The following SNX29 variants were observed in gnomAD, a reference collection of about 807,000 sequenced individuals.
The protein encoded by SNX29 is sorting nexin 29, also known as sorting nexin-29.
A neutral mutation model predicts 102.1 loss-of-function variants in SNX29; 78 were observed. That is an observed-to-expected ratio of 0.76 (90% CI 0.64 to 0.92). The LOEUF (loss-of-function observed/expected upper bound fraction) is 0.92, where lower values mean the gene tolerates loss of function less well. Among genes scored for constraint, SNX29 ranks in the 40% least tolerant of loss-of-function variants. The pLI is 0.00. For synonymous variants in SNX29, 580 were observed against 414.5 expected (o/e 1.40, Z -4.85); for missense variants, 1,280 against 1,061.7 (o/e 1.21, Z -2.86).
At chr16:12,277,038 G>A (rs1258810280) in intron 14 of SNX29, among the ~76,000 whole-genome samples, 4 of 152,120 alleles carry the variant, frequency 2.6e-5, no homozygotes, top group Admixed American at 1.3e-4. Flanking sequence ...CTGTCAGCAG[G>A]CCCTACCTCA....
intron 11 of SNX29, among the ~76,000 whole-genome samples, chr16:12,124,122 C>T (rs1053569551): frequency 2.6e-5 from 4 of 152,150 alleles, no homozygotes; most frequent in African/African-American, 9.7e-5. Flanking sequence ...CTTTGGGAGG[C>T]CGAGGCATGT....
At chr16:12,554,224 C>T (rs1160139499) in intron 20 of SNX29, among the ~76,000 whole-genome samples, 2 of 152,222 alleles carry the variant, frequency 1.3e-5, no homozygotes, top group East Asian at 1.9e-4. Flanking sequence ...TAGAGCAAAA[C>T]GTGAACATCT....
chr16:12,092,208 C>G (rs2052583358), intron 11 of SNX29, among the ~76,000 whole-genome samples: 1 of 152,138 alleles, frequency 6.6e-6, no homozygotes, highest in African/African-American at 2.4e-5. Flanking sequence ...AGTAGACACA[C>G]TTTGTCTGCT....
intron 20 of SNX29, chr16:12,557,688 T>G (rs901793521): frequency 2.0e-4 from 31 of 152,222 alleles, no homozygotes; most frequent in African/African-American, 7.5e-4. Context: ...TGAGTGGCAG[T>G]GCAGTAGGCT....
chr16:12,459,070 C>T (rs1489214316), intron 18 of SNX29, among the ~76,000 whole-genome samples: 1 of 113,702 alleles, frequency 8.8e-6, no homozygotes, highest in Non-Finnish European at 1.8e-5. Flanking sequence ...CCCACCTCCT[C>T]CTCCCCGGTC....
intron 15 of SNX29, among the ~76,000 whole-genome samples, chr16:12,292,831 C>A (rs531095216): frequency 2.0e-5 from 3 of 152,340 alleles, no homozygotes; most frequent in East Asian, 1.9e-4. Context: ...GAGGCTGATA[C>A]AAGGCACAGT....
At chr16:12,144,882 C>T (rs111887632) in intron 13 of SNX29, among the ~76,000 whole-genome samples, 3,735 of 152,258 alleles carry the variant, frequency 0.025, 165 homozygotes, top group African/African-American at 0.086. Context: ...CCACCACACC[C>T]GGCAAAGTTT....
intron 13 of SNX29, among the ~76,000 whole-genome samples, chr16:12,184,783 A>G (rs1172012242): frequency 6.6e-6 from 1 of 152,262 alleles, no homozygotes; most frequent in African/African-American, 2.4e-5. Flanking sequence ...AATGGAACAT[A>G]GCAGAAACAT....
intron 19 of SNX29, among the ~76,000 whole-genome samples, chr16:12,484,726 G>A (rs2088142256): frequency 1.3e-5 from 2 of 152,306 alleles, no homozygotes; most frequent in East Asian, 1.9e-4. Flanking sequence ...TTCACCAGAT[G>A]TCAGTTCAGA....
intron 14 of SNX29, among the ~76,000 whole-genome samples, chr16:12,228,486 T>C (rs559040194): frequency 6.6e-6 from 1 of 151,302 alleles, no homozygotes; most frequent in Non-Finnish European, 1.5e-5. Context: ...CTGGTCACTC[T>C]TACCCCTTTC....
At chr16:12,258,595 C>T (rs546402236) in intron 14 of SNX29, among the ~76,000 whole-genome samples, 11 of 152,268 alleles carry the variant, frequency 7.2e-5, no homozygotes, top group East Asian at 1.9e-4. Context: ...TCTCATGTTC[C>T]ACTCCCCACA....
chr16:12,525,709 C>CCA lies in SNX29; in HGVS notation c.2318+868_2318+869insCA, dbSNP rs1491433189. ...TCCACGCCCCCCCCACCCCCCCCCC[C>CCA]AAAAAAAAGAAAAAATCATTACACT... On this transcript the variant is annotated intron_variant, in intron 20 of 20. Coordinates refer to ENST00000566228, the MANE Select transcript of SNX29 (RefSeq NM_032167.5). Among the ~76,000 whole-genome samples the CCA allele has an allele frequency of 7.9e-4, 96 of 121,450 alleles. 2 individuals are homozygous for CCA. The highest frequency in any genetic ancestry group is 2.8e-3 in the African/African-American group (86 of 30,466). 79.7% of individuals were successfully genotyped at this position (121,450 alleles called of 152,430 possible). A position where few individuals can be genotyped will look rare whatever the true frequency, so the allele number is the denominator to read the frequency against.
chr16:12,526,145 G>C (rs935381503), intron 20 of SNX29, among the ~76,000 whole-genome samples: 1 of 152,176 alleles, frequency 6.6e-6, no homozygotes, highest in African/African-American at 2.4e-5. Flanking sequence ...GTTCTGGGTC[G>C]GTGTGATTTG....
chr16:12,431,677 C>T (rs2085321629), intron 18 of SNX29, among the ~76,000 whole-genome samples: 1 of 151,972 alleles, frequency 6.6e-6, no homozygotes, highest in Admixed American at 6.6e-5. Context: ...TGAATGAAGT[C>T]AGGAAATGAT....
chr16:12,554,486 G>A (rs187284775), intron 20 of SNX29, among the ~76,000 whole-genome samples: 2,038 of 152,258 alleles, frequency 0.013, 34 homozygotes, highest in African/African-American at 0.047. Context: ...GGCATGGAGT[G>A]GTTTCCAAGC....
intron 15 of SNX29, among the ~76,000 whole-genome samples, chr16:12,316,597 C>T (rs969383298): frequency 6.6e-6 from 1 of 152,180 alleles, no homozygotes; most frequent in Non-Finnish European, 1.5e-5. Context: ...TGCTCTCTCT[C>T]ACCTCAGGGG....
At chr16:12,282,234 C>T (rs1021399014) in intron 15 of SNX29, among the ~76,000 whole-genome samples, 2 of 152,042 alleles carry the variant, frequency 1.3e-5, no homozygotes, top group Admixed American at 6.6e-5. Flanking sequence ...CGATCACTAC[C>T]GATGTTCAAG....
chr16:12,009,891 C>T (rs940474098), intron 3 of SNX29, among the ~76,000 whole-genome samples: 2 of 152,338 alleles, frequency 1.3e-5, no homozygotes, highest in African/African-American at 4.8e-5. Flanking sequence ...TCCGCCAAGG[C>T]GTCTTTGTCC....
chr16:12,404,769 G>C (rs75902901), intron 18 of SNX29, among the ~76,000 whole-genome samples: 179 of 152,298 alleles, frequency 1.2e-3, no homozygotes, highest in African/African-American at 4.0e-3. Context: ...AATGGAGACA[G>C]TAATCTATCT....
Sources: allele counts gnomAD v4.1 joint callset (sites outside exome capture counted in the v4.1 genomes callset), GRCh38; gene constraint gnomAD v4.1.1; transcripts MANE v1.5; gene names NCBI Gene and HGNC (gene_info 2026-07-23, HGNC 2026-07-21).